Variants in FOXP1 observed in about 807,000 individuals in gnomAD.
FOXP1 encodes forkhead box P1.
A neutral mutation model predicts 98.2 loss-of-function variants in FOXP1; 15 were observed. The ratio of observed to expected loss-of-function variants is 0.15; its 90% CI spans 0.10 to 0.24. The LOEUF is 0.24. Ranked by LOEUF, FOXP1 falls within the 10% of genes least tolerant of loss-of-function variation. FOXP1 has a pLI of 1.00. For missense variants in FOXP1, 633 were observed against 848.5 expected, an observed-to-expected ratio of 0.75 and a Z score of 3.15; for synonymous variants, 371 against 314.5, an observed-to-expected ratio of 1.18 and a Z score of -1.90.
intron 5 of FOXP1, among the ~76,000 whole-genome samples, chr3:71,256,662 G>A (rs2068651049): frequency 6.6e-6 from 1 of 152,108 alleles, no homozygotes; most frequent in South Asian, 2.1e-4. Flanking sequence ...GATTACAGGC[G>A]TGAGCCACCG....
intron 7 of FOXP1, among the ~76,000 whole-genome samples, chr3:71,109,770 C>A (rs1320738774): frequency 1.7e-4 from 26 of 152,096 alleles, no homozygotes; most frequent in Admixed American, 1.7e-3. Flanking sequence ...GGAAGGCCAG[C>A]CAACCTAATA....
At chr3:71,160,484 A>T (rs1241104167) in intron 6 of FOXP1, among the ~76,000 whole-genome samples, 1 of 152,248 alleles carries the variant, frequency 6.6e-6, no homozygotes, top group Admixed American at 6.5e-5. Context: ...AAATCAAGTG[A>T]TAAACCACTG....
intron 3 of FOXP1, among the ~76,000 whole-genome samples, chr3:71,371,377 A>G (rs2079301683): frequency 6.6e-6 from 1 of 152,142 alleles, no homozygotes; most frequent in Admixed American, 6.6e-5. Context: ...CTCTCCCCCA[A>G]AGAAGCCTAC....
At chr3:71,097,363 C>T (rs2056561272) in intron 7 of FOXP1, among the ~76,000 whole-genome samples, 1 of 152,118 alleles carries the variant, frequency 6.6e-6, no homozygotes, top group African/African-American at 2.4e-5. Flanking sequence ...GATACTTTTA[C>T]ATGACAAAAA....
intron 3 of FOXP1, among the ~76,000 whole-genome samples, chr3:71,443,100 G>A (rs2086097229): frequency 6.6e-6 from 1 of 152,088 alleles, no homozygotes; most frequent in Admixed American, 6.5e-5. Flanking sequence ...CACCATATTG[G>A]CCAGACTGGT....
intron 3 of FOXP1, among the ~76,000 whole-genome samples, chr3:71,371,331 A>T (rs1301024278): frequency 2.0e-5 from 3 of 152,072 alleles, no homozygotes; most frequent in East Asian, 3.9e-4. Flanking sequence ...ATCTTCCAGG[A>T]TTCCATGCTC....
intron 3 of FOXP1, among the ~76,000 whole-genome samples, chr3:71,402,072 A>G (rs1392741842): frequency 2.0e-5 from 3 of 152,222 alleles, no homozygotes; most frequent in Non-Finnish European, 2.9e-5. Flanking sequence ...AAGAAACCTT[A>G]GTGAGTGCGG....
chr3:71,224,653 G>A (rs2065687743), intron 5 of FOXP1, among the ~76,000 whole-genome samples: 1 of 152,188 alleles, frequency 6.6e-6, no homozygotes, highest in African/African-American at 2.4e-5. Context: ...CCAGCACCCA[G>A]CACAGTGACA....
At chr3:71,108,764 C>CA (rs1004265029) in intron 7 of FOXP1, among the ~76,000 whole-genome samples, 27 of 150,400 alleles carry the variant, frequency 1.8e-4, no homozygotes, top group Non-Finnish European at 3.0e-4. Flanking sequence ...GACTCCATCT[C>CA]AAAAAAAAAG....
At chr3:71,387,609 T>C (rs2080690290) in intron 3 of FOXP1, among the ~76,000 whole-genome samples, 1 of 152,236 alleles carries the variant, frequency 6.6e-6, no homozygotes, top group Non-Finnish European at 1.5e-5. Flanking sequence ...TTGGTTTTTT[T>C]CCATAAAAAT....
chr3:71,436,514 C>T (rs1487662838), intron 3 of FOXP1, among the ~76,000 whole-genome samples: 1 of 152,018 alleles, frequency 6.6e-6, no homozygotes, highest in African/African-American at 2.4e-5. Flanking sequence ...ATGACTCACT[C>T]TCATAAAAAT....
chr3:71,239,970 G>A (rs1340312629), intron 5 of FOXP1, among the ~76,000 whole-genome samples: 3 of 152,206 alleles, frequency 2.0e-5, no homozygotes, highest in African/African-American at 7.2e-5. Flanking sequence ...GAGAACTGCT[G>A]GGGGCAGGGT....
At chr3:71,126,863 A>AC (rs35730963) in intron 6 of FOXP1, among the ~76,000 whole-genome samples, 53,836 of 135,850 alleles carry the variant, frequency 0.4, 11,829 homozygotes, top group Non-Finnish European at 0.49. Flanking sequence ...AAGAAAAAAA[A>AC]AAACAAACAA....
At chr3:71,121,394 C>T (rs2058760149) in intron 6 of FOXP1, among the ~76,000 whole-genome samples, 1 of 151,358 alleles carries the variant, frequency 6.6e-6, no homozygotes, top group South Asian at 2.1e-4. Flanking sequence ...GGGGGGATAT[C>T]TATGGTCCTC....
chr3:71,442,542 G>A (rs1406137989), intron 3 of FOXP1, among the ~76,000 whole-genome samples: 5 of 152,226 alleles, frequency 3.3e-5, no homozygotes, highest in Non-Finnish European at 7.3e-5. Flanking sequence ...GATGTCTGGA[G>A]AAAGCTACAT....
chr3:71,509,217 T>TA (rs1191338801), intron 2 of FOXP1, among the ~76,000 whole-genome samples: 3 of 152,222 alleles, frequency 2.0e-5, no homozygotes, highest in African/African-American at 4.8e-5. Context: ...AGGGCTGCTG[T>TA]AACCCAGTAC....
At chr3:71,093,299 A>G (rs2056096503) in intron 7 of FOXP1, among the ~76,000 whole-genome samples, 1 of 150,932 alleles carries the variant, frequency 6.6e-6, no homozygotes, top group African/African-American at 2.4e-5. Flanking sequence ...AAAAAAAGCA[A>G]AAGAACATTC....
At position 71,137,793 on chromosome 3, in the gene FOXP1, TTA is replaced by T. The variant is rs1491126664; in HGVS notation, c.181-25158_181-25157del. ...ATAATTCTATTTATTTATTTATTTA[TTA>T]TTATTTTTTTTTTTTGGTGCAAGAC... On this transcript the variant is annotated intron_variant, in intron 6 of 20. Transcript: ENST00000649528. Among the ~76,000 whole-genome samples the T allele has an allele frequency of 8.4e-3, 83 of 9,922 alleles. No homozygotes were observed. The Non-Finnish European group carries it at 0.28, about 33-fold the overall frequency. 6.5% of individuals were successfully genotyped at this position (9,922 alleles called of 152,430 possible).
chr3:71,495,956 C>G (rs2091377672), intron 2 of FOXP1, among the ~76,000 whole-genome samples: 1 of 152,132 alleles, frequency 6.6e-6, no homozygotes, highest in African/African-American at 2.4e-5. Context: ...CTGAGAAATC[C>G]TCACTTTATC....
Sources: gnomAD v4.1 joint callset for allele counts (sites outside exome capture counted in the v4.1 genomes callset) on GRCh38, gnomAD v4.1.1 for gene constraint, MANE v1.5 for transcripts, NCBI Gene and HGNC (gene_info 2026-07-23, HGNC 2026-07-21) for gene names.